The following DAB1 variants were observed in gnomAD, a reference collection of about 807,000 sequenced individuals.
DAB1 encodes DAB adaptor protein 1.
In DAB1, 15 loss-of-function variants were observed where a neutral mutation model predicts 64.6. The ratio of observed to expected loss-of-function variants is 0.23; its 90% CI spans 0.16 to 0.36. The LOEUF (loss-of-function observed/expected upper bound fraction) is 0.36, where lower values mean the gene tolerates loss of function less well. Ranked by LOEUF, DAB1 falls within the 10% of genes least tolerant of loss-of-function variation. The pLI, the probability that DAB1 is intolerant of heterozygous loss-of-function variation, is 1.00. For synonymous variants in DAB1, 235 were observed against 251.9 expected, an observed-to-expected ratio of 0.93 and a Z score of 0.64; for missense variants, 596 against 706.7, an observed-to-expected ratio of 0.84 and a Z score of 1.78.
At chr1:57,481,532 G>T (rs1026243714) in intron 7 of DAB1, among the ~76,000 whole-genome samples, 1 of 152,120 alleles carries the variant, frequency 6.6e-6, no homozygotes, top group African/African-American at 2.4e-5. Flanking sequence ...CGATGATGAC[G>T]ATGATGATGA....
chr1:58,186,532 T>C (rs1353538872), intron 4 of DAB1, among the ~76,000 whole-genome samples: 1 of 152,216 alleles, frequency 6.6e-6, no homozygotes, highest in East Asian at 1.9e-4. Context: ...TTTTTTTTCT[T>C]TTTAAAGATG....
rs184826686 is a variant in DAB1, at chr1:57,476,964, G to A, written n.625+172628C>T. ...GTCTGTCACCTTCCATTTCCTTGTC[G>A]AGAAAATGAGGTAATAACAGCCCCA... On this transcript the variant is annotated intron_variant and non_coding_transcript_variant, in intron 7 of 20. Transcript: ENST00000485760. Among the ~76,000 whole-genome samples the A allele has an allele frequency of 4.8e-4, 73 of 152,294 alleles. 1 individual carries two copies. Among genetic ancestry groups the A allele is most frequent in the Admixed American group, 4.6e-3 (71 of 15,294 alleles).
At chr1:57,725,039 C>T (rs922842296) in intron 6 of DAB1, among the ~76,000 whole-genome samples, 1 of 152,172 alleles carries the variant, frequency 6.6e-6, no homozygotes, top group Admixed American at 6.5e-5. Context: ...AATGTAAACT[C>T]GGTGCCAGGA....
intron 5 of DAB1, chr1:58,048,323 T>A: frequency 9.0e-7 from 1 of 1,117,056 alleles, no homozygotes; most frequent in Non-Finnish European, 1.4e-6. Flanking sequence ...GGGTCCAAAA[T>A]TTGAAAACTG....
intron 5 of DAB1, among the ~76,000 whole-genome samples, chr1:58,028,705 T>G (rs928291261): frequency 6.6e-6 from 1 of 152,204 alleles, no homozygotes; most frequent in African/African-American, 2.4e-5. Flanking sequence ...ATAAAAGCAC[T>G]ATGAGTACTG....
At chr1:58,030,307 C>G (rs889504677) in intron 5 of DAB1, among the ~76,000 whole-genome samples, 5 of 152,112 alleles carry the variant, frequency 3.3e-5, no homozygotes, top group African/African-American at 1.2e-4. Flanking sequence ...TAAATATTAA[C>G]AATGATTGAT....
At chr1:57,998,544 A>T (rs562019374) in intron 5 of DAB1, among the ~76,000 whole-genome samples, 27 of 152,160 alleles carry the variant, frequency 1.8e-4, no homozygotes, top group African/African-American at 5.3e-4. Flanking sequence ...TTGTATCTTT[A>T]GTAGAGACGG....
At chr1:57,656,295 T>C (rs981796080) in intron 6 of DAB1, among the ~76,000 whole-genome samples, 1 of 152,172 alleles carries the variant, frequency 6.6e-6, no homozygotes, top group Non-Finnish European at 1.5e-5. Context: ...ACTATTTTAG[T>C]CACCTCAAGG....
At chr1:58,155,300 C>T (rs1213541826) in intron 4 of DAB1, among the ~76,000 whole-genome samples, 1 of 152,160 alleles carries the variant, frequency 6.6e-6, no homozygotes, top group Non-Finnish European at 1.5e-5. Context: ...CTCCAGGGAA[C>T]ATCTGGCAAT....
At chr1:57,179,874 C>T (rs1297547453) in intron 2 of DAB1, among the ~76,000 whole-genome samples, 1 of 152,140 alleles carries the variant, frequency 6.6e-6, no homozygotes, top group East Asian at 1.9e-4. Flanking sequence ...AGGATATTAA[C>T]CTGTGAACCA....
intron 3 of DAB1, among the ~76,000 whole-genome samples, chr1:58,462,030 C>A (rs1336341475): frequency 6.6e-6 from 1 of 151,122 alleles, no homozygotes; most frequent in Non-Finnish European, 1.5e-5. Context: ...CTGAGGCTGA[C>A]AGGGGTGATG....
chr1:57,839,775 C>T (rs1469978553), intron 1 of DAB1, among the ~76,000 whole-genome samples: 1 of 152,204 alleles, frequency 6.6e-6, no homozygotes, highest in African/African-American at 2.4e-5. Context: ...CTTGTCAATC[C>T]ATCAGCTAGC....
intron 2 of DAB1, among the ~76,000 whole-genome samples, chr1:57,201,903 C>T (rs578038591): frequency 6.6e-6 from 1 of 152,008 alleles, no homozygotes; most frequent in East Asian, 1.9e-4. Context: ...TGCATGTATG[C>T]ATGAATTTTA....
At chr1:57,255,019 G>C (rs1358350614) in intron 2 of DAB1, among the ~76,000 whole-genome samples, 1 of 151,586 alleles carries the variant, frequency 6.6e-6, no homozygotes. Context: ...TTTCTTTTTA[G>C]TGTTGAATCC....
intron 4 of DAB1, among the ~76,000 whole-genome samples, chr1:57,116,190 C>T (rs538797982): frequency 1.3e-5 from 2 of 150,970 alleles, no homozygotes; most frequent in South Asian, 2.1e-4. Flanking sequence ...GGAGGCCTGG[C>T]GTGGTGGCTC....
At chr1:57,598,620 A>G (rs1018224260) in intron 7 of DAB1, among the ~76,000 whole-genome samples, 3 of 152,182 alleles carry the variant, frequency 2.0e-5, no homozygotes, top group African/African-American at 7.2e-5. Flanking sequence ...CCTCCCAAGG[A>G]GATGCCATCT....
At chr1:57,932,301 T>C (rs1202766) in intron 5 of DAB1, among the ~76,000 whole-genome samples, 26,643 of 152,144 alleles carry the variant, frequency 0.18, 3,734 homozygotes, top group African/African-American at 0.39. Flanking sequence ...CAAGAATATA[T>C]ATTCTGCTGT....
intron 2 of DAB1, among the ~76,000 whole-genome samples, chr1:57,187,865 G>C (rs765507418): frequency 4.6e-5 from 7 of 152,016 alleles, no homozygotes; most frequent in Non-Finnish European, 1.0e-4. Context: ...CCCACAAAAA[G>C]AGAGATCCCC....
chr1:57,586,844 TG>T (rs1645387180), intron 7 of DAB1, among the ~76,000 whole-genome samples: 1 of 151,342 alleles, frequency 6.6e-6, no homozygotes, highest in Non-Finnish European at 1.5e-5. Context: ...GAAAGATGGC[TG>T]GGGCCATTTC....
Sources: allele counts gnomAD v4.1 joint callset (sites outside exome capture counted in the v4.1 genomes callset), GRCh38; gene constraint gnomAD v4.1.1; transcripts MANE v1.5; gene names NCBI Gene and HGNC (gene_info 2026-07-23, HGNC 2026-07-21).